The following PGM3 variants were observed in gnomAD, a reference collection of about 807,000 sequenced individuals.
PGM3 encodes the protein phosphoacetylglucosamine mutase.
A neutral mutation model predicts 66.2 loss-of-function variants in PGM3; 40 were observed. The ratio of observed to expected loss-of-function variants is 0.60; its 90% CI spans 0.47 to 0.79. The LOEUF is 0.79. Among genes scored for constraint, PGM3 ranks in the 30% least tolerant of loss-of-function variants. The pLI is 0.00. For missense variants in PGM3, 537 were observed against 643.4 expected, an observed-to-expected ratio of 0.83 and a Z score of 1.79; for synonymous variants, 191 against 224.2, an observed-to-expected ratio of 0.85 and a Z score of 1.32.
intron 3 of PGM3, chr6:83,188,391 G>T: frequency 2.3e-6 from 1 of 432,240 alleles, no homozygotes; most frequent in Non-Finnish European, 4.1e-6. Context: ...TTATTCTGCA[G>T]CTTGGGTTTT....
At position 83,167,946 on chromosome 6, in the gene PGM3, A is replaced by G. The variant is rs1786230139; in HGVS notation, c.*1288T>C. The G allele has an allele frequency of 6.2e-7, 1 of 1,614,146 alleles. No homozygotes were observed. The highest frequency in any genetic ancestry group is 8.5e-7 in the Non-Finnish European group (1 of 1,180,006). On this transcript the variant is annotated 3_prime_UTR_variant, in exon 13 of 13. Transcript: ENST00000513973. ...GCTCACCATCTGCACCGTGCGCAGTATGGAGCAGCTCCTGCCGTTCTTCAA... is the reference window on the plus strand; with the variant it reads ...GCTCACCATCTGCACCGTGCGCAGTGTGGAGCAGCTCCTGCCGTTCTTCAA...
Position 83,178,731 on chromosome 6 carries a change from ACAC to A in PGM3, c.968_970del (p.Gly323del). On this transcript the variant is annotated inframe_deletion, in exon 8 of 13. Transcript: ENST00000513973. ...TCCATTTGCATATGCAGTTTGTACA[ACAC>A]CAATATTCAAACTTTCTCCAATCTA... 6.3e-7 allele frequency: 1 copy of A among 1,593,790 alleles called. No homozygotes were observed. Among genetic ancestry groups the A allele is most frequent in the East Asian group, 2.2e-5 (1 of 44,696 alleles).
rs1241619402 is a variant in PGM3, at chr6:83,165,356, C to A, written c.*3878G>T. On this transcript the variant is annotated 3_prime_UTR_variant, in exon 13 of 13. Coordinates refer to ENST00000513973, the MANE Select transcript of PGM3 (RefSeq NM_015599.3). ...TTAAGTTTTTTGGTTTGTTTTTGAC[C>A]AGAGATGATGAAGTAGGTGATCTTT... The A allele has an allele frequency of 6.6e-6, 1 of 152,292 alleles. No homozygotes were observed. The highest frequency in any genetic ancestry group is 1.5e-5 in the Non-Finnish European group (1 of 68,198). The allele number at this position is 152,292 out of a possible 1,614,324, so 9.4% of individuals were successfully genotyped here.
Position 83,167,653 on chromosome 6 carries a change from C to A in PGM3, c.*1581G>T. The A allele has an allele frequency of 7.8e-7, 1 of 1,286,310 alleles. No individual in the cohort carries two copies. The highest frequency in any genetic ancestry group is 3.0e-5 in the East Asian group (1 of 33,200). The allele number at this position is 1,286,310 out of a possible 1,614,324, so 79.7% of individuals were successfully genotyped here. A position where few individuals can be genotyped will look rare whatever the true frequency, so the allele number is the denominator to read the frequency against. ...TGCGCATTCTAGTTGGGAACTATTACTACAATGTTAGACTGCTCCATGTAA... is the reference window on the plus strand; with the variant it reads ...TGCGCATTCTAGTTGGGAACTATTAATACAATGTTAGACTGCTCCATGTAA... On this transcript the variant is annotated 3_prime_UTR_variant, in exon 13 of 13. Transcript: ENST00000513973.
chr6:83,187,463 C>G (rs1014578781), intron 3 of PGM3, among the ~76,000 whole-genome samples: 1 of 152,122 alleles, frequency 6.6e-6, no homozygotes, highest in Non-Finnish European at 1.5e-5. Flanking sequence ...GATATAGAAC[C>G]TGTTTTCCAT....
At chr6:83,162,190 G>C (rs1439755735), downstream of PGM3, among the ~76,000 whole-genome samples, 1 of 152,056 alleles carries the variant, frequency 6.6e-6, no homozygotes, top group Admixed American at 6.6e-5. Flanking sequence ...GGGGAGGGGA[G>C]ACTGCCTTTC....
chr6:83,152,116 A>G, the PGM3 span: 15 of 1,455,452 alleles, frequency 1.0e-5, no homozygotes, highest in African/African-American at 8.5e-5. Flanking sequence ...AAGTACCACA[A>G]ATTTATCCCT....
chr6:83,153,016 C>T, the PGM3 span, among the ~76,000 whole-genome samples: 1 of 152,088 alleles, frequency 6.6e-6, no homozygotes, highest in African/African-American at 2.4e-5. Flanking sequence ...CTTTTTTATA[C>T]CCTATTATAC....
chr6:83,151,522 G>A, the PGM3 span: 1 of 1,254,324 alleles, frequency 8.0e-7, no homozygotes, highest in Non-Finnish European at 1.1e-6. Flanking sequence ...AACTCATCGT[G>A]AGAAATTAGA....
intron 2 of PGM3, among the ~76,000 whole-genome samples, chr6:83,189,100 C>T (rs994137832): frequency 6.6e-6 from 1 of 152,146 alleles, no homozygotes; most frequent in Non-Finnish European, 1.5e-5. Flanking sequence ...TAACAAATGT[C>T]AGTACTGATA....
At chr6:83,154,797 A>G in the PGM3 span, among the ~76,000 whole-genome samples, 4 of 152,140 alleles carry the variant, frequency 2.6e-5, no homozygotes, top group African/African-American at 9.7e-5. Flanking sequence ...TTTCATCTGA[A>G]AAAAAAGAGT....
chr6:83,154,938 A>G, the PGM3 span, among the ~76,000 whole-genome samples: 7 of 152,234 alleles, frequency 4.6e-5, no homozygotes, highest in African/African-American at 9.6e-5. Flanking sequence ...TTTTATCTTC[A>G]TAAGGTTGTT....
Position 83,167,364 on chromosome 6 carries a change from C to A in PGM3, c.*1870G>T. 2 of 984,796 alleles carry A rather than the reference C, an allele frequency of 2.0e-6. No individual in the cohort carries two copies. Among genetic ancestry groups the A allele is most frequent in the Non-Finnish European group, 2.4e-6 (2 of 829,344 alleles). The allele number at this position is 984,796 out of a possible 1,614,324, so 61.0% of individuals were successfully genotyped here. On this transcript the variant is annotated 3_prime_UTR_variant, in exon 13 of 13. Coordinates refer to ENST00000513973, the MANE Select transcript of PGM3 (RefSeq NM_015599.3). ...TGATGCAGTACTGACAGTAATTATT[C>A]ACTTTGGACACTGCTACCATCATGG...
downstream of PGM3, chr6:83,157,035 GTT>G (rs769497434): frequency 4.3e-6 from 3 of 693,346 alleles, no homozygotes; most frequent in Non-Finnish European, 6.8e-6. Flanking sequence ...CTTATTCGTT[GTT>G]TTATGAAAAT....
At chr6:83,192,599 T>C (rs566057775) in intron 1 of PGM3, among the ~76,000 whole-genome samples, 3 of 152,262 alleles carry the variant, frequency 2.0e-5, no homozygotes, top group African/African-American at 7.2e-5. Context: ...ATCAGATCTC[T>C]TTCCTAAGGA....
At chr6:83,171,466 A>G (rs1453888906) in intron 11 of PGM3, 1 of 152,190 alleles carries the variant, frequency 6.6e-6, no homozygotes, top group African/African-American at 2.4e-5. Context: ...TTTCAGCTGT[A>G]AGAGAATACA....
Position 83,176,042 on chromosome 6 carries a change from T to C in PGM3, c.1048A>G (p.Lys350Glu). 6.3e-7 allele frequency: 1 copy of C among 1,593,314 alleles called. No individual in the cohort carries two copies. The highest frequency in any genetic ancestry group is 2.2e-5 in the East Asian group (1 of 44,796). Residue 350 changes from lysine to glutamate, a missense_variant, in exon 9 of 13, where the codon AAG becomes GAG. Transcript: ENST00000513973. ...EVMKVPVYCT[K>E]TGVKHLHHKA... Reference sequence around the variant, plus strand: ...TGGTGCAAATGTTTTACACCAGTCTTAGTGCAATAGACAGGTACCTATAAC... The same window carrying C: ...TGGTGCAAATGTTTTACACCAGTCTCAGTGCAATAGACAGGTACCTATAAC...
At chr6:83,176,464 G>GC (rs1486370263) in intron 8 of PGM3, among the ~76,000 whole-genome samples, 1 of 152,182 alleles carries the variant, frequency 6.6e-6, no homozygotes, top group African/African-American at 2.4e-5. Context: ...CAATTACTCT[G>GC]CCATTACAGT....
chr6:83,181,861 A>G lies in PGM3; in HGVS notation c.662T>C (p.Leu221Pro). 6.2e-7 allele frequency: 1 copy of G among 1,613,938 alleles called. No individual in the cohort carries two copies. Among genetic ancestry groups the G allele is most frequent in the Non-Finnish European group, 8.5e-7 (1 of 1,179,854 alleles). ...TGAGAAGTAGTGTTCCATTTCCCTT[A>G]GCTTCAGGGCCCCTATGCCATTTGC... The part of the protein sequence containing the change: ...DCANGIGALK[L>P]REMEHYFSQG... Residue 221 changes from leucine (L) to proline (P), a missense_variant, in exon 6 of 13, where the codon CTA (leucine) becomes CCA (proline). Transcript: ENST00000513973.
Sources: allele counts gnomAD v4.1 joint callset (sites outside exome capture counted in the v4.1 genomes callset), GRCh38; gene constraint gnomAD v4.1.1; transcripts MANE v1.5; gene names NCBI Gene and HGNC (gene_info 2026-07-23, HGNC 2026-07-21).